Variants in UBE2O observed in about 807,000 individuals in gnomAD.
The protein encoded by UBE2O is ubiquitin conjugating enzyme E2 O, also known as (E3-independent) E2 ubiquitin-conjugating enzyme.
In UBE2O, 15 loss-of-function variants were observed where a neutral mutation model predicts 125.8. That is an observed-to-expected ratio of 0.12 (90% CI 0.08 to 0.18). UBE2O has a LOEUF of 0.18. Ranked by LOEUF, UBE2O falls within the 10% of genes least tolerant of loss-of-function variation. The probability of loss-of-function intolerance (pLI) is 1.00; values close to 1 mark genes in which losing one functional copy is unlikely to be tolerated. For missense variants in UBE2O, 1,280 were observed against 1,723.6 expected (o/e 0.74, Z 4.56); for synonymous variants, 708 against 703.2 (o/e 1.01, Z -0.11).
chr17:76,413,320 G>C (rs746649174), intron 1 of UBE2O, among the ~76,000 whole-genome samples: 1 of 152,066 alleles, frequency 6.6e-6, no homozygotes, highest in Admixed American at 6.5e-5. Context: ...TCCCAGTGTG[G>C]ATTTCTGAAA....
intron 1 of UBE2O, among the ~76,000 whole-genome samples, chr17:76,435,401 T>TACACACACACAC (rs3219583): frequency 3.1e-5 from 3 of 96,734 alleles, no homozygotes; most frequent in African/African-American, 7.4e-5. Context: ...AATATACAGA[T>TACACACACACAC]ACACACACAC....
At chr17:76,438,023 T>C (rs1173609374) in intron 1 of UBE2O, among the ~76,000 whole-genome samples, 1 of 152,154 alleles carries the variant, frequency 6.6e-6, no homozygotes, top group Non-Finnish European at 1.5e-5. Context: ...TCCCCACTCC[T>C]CTGTCCACAC....
chr17:76,396,962 C>A lies in UBE2O; in HGVS notation c.2116-141G>T. On this transcript the variant is annotated intron_variant, in intron 13 of 17. Coordinates refer to ENST00000319380, the MANE Select transcript of UBE2O (RefSeq NM_022066.4). This position sits in a 1 kb window ranked among gnomAD's most constrained non-coding sequence, Gnocchi z 6.7. The stretch of plus-strand genomic sequence containing the variant: ...CCTTGGCAACCTCATTCCACCCTTT[C>A]CCTGACCTCTGCTCTGGCTTTTGCA... The A allele has an allele frequency of 1.4e-6, 1 of 692,810 alleles. No individual in the cohort carries two copies. Among genetic ancestry groups the A allele is most frequent in the South Asian group, 1.9e-5 (1 of 51,540 alleles). The allele number at this position is 692,810 out of a possible 1,614,324, so 42.9% of individuals were successfully genotyped here.
chr17:76,415,413 C>T (rs560527704), intron 1 of UBE2O, among the ~76,000 whole-genome samples: 1 of 152,296 alleles, frequency 6.6e-6, no homozygotes, highest in African/African-American at 2.4e-5. Flanking sequence ...GACTCCAGAG[C>T]CTTTGTTTTG....
In UBE2O at chr17:76,452,848, G is replaced by T; in HGVS notation, c.294C>A (p.Ser98Arg). The T allele has an allele frequency of 6.6e-7, 1 of 1,503,802 alleles. No homozygotes were observed. The highest frequency in any genetic ancestry group is 1.3e-5 in the South Asian group (1 of 79,592). The allele number at this position is 1,503,802 out of a possible 1,614,324, so 93.2% of individuals were successfully genotyped here. A position where few individuals can be genotyped will look rare whatever the true frequency, so the allele number is the denominator to read the frequency against. ...DSEGEEEGRG[S>R]SGCSEAGGAG... ...CGCCCCCGGCCTCGGAGCACCCCGA[G>T]CTCCCGCGGCCCTCCTCCTCGCCCT... The change falls in exon 1 of 18, where the codon AGC becomes AGA. Residue 98 changes from serine to arginine, a missense_variant. By Grantham distance (110) the Ser-to-Arg change is moderately radical. Around this residue, in one of 10 missense-constraint regions of UBE2O, gnomAD observed 188 missense variants for 192.5 expected, o/e 0.98. Transcript: ENST00000319380. This position sits in a 1 kb window ranked among gnomAD's most constrained non-coding sequence, Gnocchi z 4.4.
chr17:76,413,026 C>T (rs2072542973), intron 1 of UBE2O, among the ~76,000 whole-genome samples: 1 of 152,034 alleles, frequency 6.6e-6, no homozygotes, highest in African/African-American at 2.4e-5. Flanking sequence ...AAAAACAAAA[C>T]AAAACAAAAT....
At chr17:76,433,049 T>G (rs900346581) in intron 1 of UBE2O, among the ~76,000 whole-genome samples, 1 of 151,978 alleles carries the variant, frequency 6.6e-6, no homozygotes, top group Non-Finnish European at 1.5e-5. Context: ...AAACATAGAT[T>G]TACCTACCAT....
At chr17:76,423,896 CT>C (rs746126675) in intron 1 of UBE2O, among the ~76,000 whole-genome samples, 13,211 of 82,648 alleles carry the variant, frequency 0.16, 340 homozygotes, top group East Asian at 0.3. Flanking sequence ...AGGTTGGGTT[CT>C]TTTTTTTTTT....
intron 1 of UBE2O, among the ~76,000 whole-genome samples, chr17:76,434,460 G>A (rs1395910014): frequency 2.0e-5 from 3 of 152,272 alleles, no homozygotes; most frequent in South Asian, 4.2e-4. Context: ...AAACTGTAAA[G>A]GACACGCCAA....
At chr17:76,446,220 C>G (rs764315531) in intron 1 of UBE2O, among the ~76,000 whole-genome samples, 1 of 152,200 alleles carries the variant, frequency 6.6e-6, no homozygotes, top group African/African-American at 2.4e-5. Flanking sequence ...ACCCACATGT[C>G]ACAGAAAACC....
chr17:76,418,930 C>T (rs898926651), intron 1 of UBE2O, among the ~76,000 whole-genome samples: 2 of 152,040 alleles, frequency 1.3e-5, no homozygotes, highest in Non-Finnish European at 2.9e-5. Flanking sequence ...AACCCAAACC[C>T]ATTGAATAAA....
chr17:76,429,096 T>G (rs2143837941), intron 1 of UBE2O, among the ~76,000 whole-genome samples: 1 of 151,918 alleles, frequency 6.6e-6, no homozygotes, highest in East Asian at 2.0e-4. Flanking sequence ...GAGACGGGGT[T>G]TAACCATGTT....
Position 76,402,075 on chromosome 17 carries a change from C to G in UBE2O, c.739G>C (p.Val247Leu). 1.2e-6 allele frequency: 2 copies of G among 1,613,658 alleles called. No homozygotes were observed. Among genetic ancestry groups the G allele is most frequent in the Non-Finnish European group, 1.7e-6 (2 of 1,179,990 alleles). ...ATGGAGCACACTACCGAGTCGCTGA[C>G]GTGCGGGCAGACGTCGTAGAGCTTG... ...GAKLYDVCPH[V>L]SDSGLFFDDS... is the part of the protein sequence containing the mutation. The change falls in exon 5 of 18, where the codon GTC (valine) becomes CTC (leucine). Residue 247 changes from valine to leucine, a missense_variant. By Grantham distance (32) the Val-to-Leu change is conservative. This residue lies in a region of UBE2O where 206 missense variants were observed against 315.7 expected (regional missense o/e 0.65). Coordinates refer to ENST00000319380, the MANE Select transcript of UBE2O (RefSeq NM_022066.4). This position sits in a 1 kb window ranked among gnomAD's most constrained non-coding sequence, Gnocchi z 5.4.
rs199568080 is a variant in UBE2O at position 76,396,363 on chromosome 17, C to T, written c.2574G>A (p.Lys858=). ...TREKKFLDDI[K]KLQENLKKTL... ...TCTTCTTGAGGTTTTCCTGTAGCTTCTTGATGTCATCCAGAAACTTCTTCT... is the reference window on the plus strand; with the variant it reads ...TCTTCTTGAGGTTTTCCTGTAGCTTTTTGATGTCATCCAGAAACTTCTTCT... Residue 858 remains lysine, a synonymous_variant, in exon 14 of 18, where the codon AAG becomes AAA. Coordinates refer to ENST00000319380, the MANE Select transcript of UBE2O (RefSeq NM_022066.4). This position sits in a 1 kb window ranked among gnomAD's most constrained non-coding sequence, Gnocchi z 6.7. 2 of 1,614,200 alleles carry T rather than the reference C, an allele frequency of 1.2e-6. No homozygotes were observed. The highest frequency in any genetic ancestry group is 1.3e-5 in the African/African-American group (1 of 75,044).
At chr17:76,397,951 TG>T in intron 12 of UBE2O, 63 bp from the exon 13 acceptor site, 5 of 1,562,392 alleles carry the variant, frequency 3.2e-6, no homozygotes, top group Non-Finnish European at 4.4e-6. Flanking sequence ...CAGCCCCTCC[TG>T]TGCTCTGCAG....
chr17:76,413,605 C>T (rs1252740411), intron 1 of UBE2O, among the ~76,000 whole-genome samples: 6 of 152,238 alleles, frequency 3.9e-5, no homozygotes, highest in African/African-American at 1.4e-4. Context: ...TGTATTTTAC[C>T]GTGAGTGACT....
At position 76,396,433 on chromosome 17, in the gene UBE2O, C is replaced by A; in HGVS notation, c.2504G>T (p.Gly835Val). ...CTCCACAGTCGGAGAGGTGGGCGAGCCCGTCAGCAGCTGCTCCACAGTCAT... is the reference window on the plus strand; with the variant it reads ...CTCCACAGTCGGAGAGGTGGGCGAGACCGTCAGCAGCTGCTCCACAGTCAT... ...KNMTVEQLLT[G>V]SPTSPTVEPE... The change falls in exon 14 of 18, where the codon GGC becomes GTC. Residue 835 changes from glycine to valine, a missense_variant. Coordinates refer to ENST00000319380, the MANE Select transcript of UBE2O (RefSeq NM_022066.4). The surrounding 1 kb of genome is among the most constrained non-coding windows in gnomAD (Gnocchi z 6.7). 1 of 1,614,152 alleles carries A rather than the reference C, an allele frequency of 6.2e-7. No homozygotes were observed. The highest frequency in any genetic ancestry group is 8.5e-7 in the Non-Finnish European group (1 of 1,180,036).
intron 1 of UBE2O, among the ~76,000 whole-genome samples, chr17:76,425,666 G>A (rs527582705): frequency 1.3e-5 from 2 of 152,292 alleles, no homozygotes; most frequent in South Asian, 2.1e-4. Flanking sequence ...GTGTTATGAT[G>A]GAGGACAGAG....
Position 76,395,635 on chromosome 17 carries a change from C to A in UBE2O, c.2946+90G>T. 1 of 1,498,964 alleles carries A rather than the reference C, an allele frequency of 6.7e-7. No individual in the cohort carries two copies. Among genetic ancestry groups the A allele is most frequent in the Non-Finnish European group, 8.9e-7 (1 of 1,118,708 alleles). 92.9% of individuals were successfully genotyped at this position (1,498,964 alleles called of 1,614,324 possible). On this transcript the variant is annotated intron_variant, in intron 15 of 17. Coordinates refer to ENST00000319380, the MANE Select transcript of UBE2O (RefSeq NM_022066.4). This position sits in a 1 kb window ranked among gnomAD's most constrained non-coding sequence, Gnocchi z 5.0. ...GTGTCCTCGCAGGTGCCAGTCAGCC[C>A]CGGAGGTTTGGGGACCCAAGGTTGG...
Sources: gnomAD v4.1 joint callset for allele counts (sites outside exome capture counted in the v4.1 genomes callset) on GRCh38, gnomAD v4.1.1 for gene constraint, gnomAD v4.1.1 regional missense constraint, Gnocchi (gnomAD v3.1) non-coding constraint, MANE v1.5 for transcripts, NCBI Gene and HGNC (gene_info 2026-07-23, HGNC 2026-07-21) for gene names.